RAP1GAP2: variants seen among roughly 807,000 people sequenced by gnomAD.
RAP1GAP2 encodes RAP1 GTPase activating protein 2.
In RAP1GAP2, 27 loss-of-function variants were observed where a neutral mutation model predicts 95.0. The observed-to-expected ratio is 0.28, with a 90% CI of 0.21 to 0.39. The LOEUF (loss-of-function observed/expected upper bound fraction) is 0.39, where lower values mean the gene tolerates loss of function less well. Among genes scored for constraint, RAP1GAP2 ranks in the 10% least tolerant of loss-of-function variants. The pLI, the probability that RAP1GAP2 is intolerant of heterozygous loss-of-function variation, is 1.00. For synonymous variants in RAP1GAP2, 373 were observed against 380.9 expected (o/e 0.98, Z 0.24); for missense variants, 771 against 970.0 (o/e 0.79, Z 2.72).
chr17:2,973,242 G>A (rs567750767), intron 8 of RAP1GAP2, among the ~76,000 whole-genome samples: 8 of 152,286 alleles, frequency 5.3e-5, no homozygotes, highest in South Asian at 2.1e-4. Context: ...GGCGCCGGGC[G>A]TGGTGGCTCA....
In RAP1GAP2 at chr17:3,000,482, TGGGGCTCGTG is replaced by T. The variant is rs1444507068; in HGVS notation, c.1200+2108_1200+2117del. On this transcript the variant is annotated intron_variant, in intron 14 of 24. Transcript: ENST00000254695. ...TGCAGGTCCAAGCACCAGGCTGAAG[TGGGGCTCGTG>T]GAGGTAACAGAATCAGCCTCAGGGC... is the stretch of plus-strand genomic sequence containing the variant. Among the ~76,000 whole-genome samples the T allele has an allele frequency of 7.1e-4, 40 of 55,948 alleles. 5 individuals carry two copies. The highest frequency in any genetic ancestry group is 2.0e-3 in the African/African-American group (24 of 11,716). 36.7% of individuals were successfully genotyped at this position (55,948 alleles called of 152,430 possible).
chr17:2,887,391 T>A (rs993494781), intron 2 of RAP1GAP2, among the ~76,000 whole-genome samples: 62 of 151,534 alleles, frequency 4.1e-4, no homozygotes, highest in African/African-American at 1.4e-3. Flanking sequence ...TTTTTTTTTT[T>A]AAGATGGAGT....
intron 2 of RAP1GAP2, among the ~76,000 whole-genome samples, chr17:2,846,490 A>C (rs895963630): frequency 7.2e-5 from 11 of 152,184 alleles, no homozygotes; most frequent in African/African-American, 2.6e-4. Flanking sequence ...GGCTCACTGC[A>C]ACCTCCGCCT....
intron 3 of RAP1GAP2, among the ~76,000 whole-genome samples, chr17:2,942,191 T>C (rs567504937): frequency 3.3e-5 from 5 of 152,282 alleles, no homozygotes; most frequent in African/African-American, 1.2e-4. Context: ...TCTCCAACCC[T>C]CCAGGCCTCC....
intron 3 of RAP1GAP2, among the ~76,000 whole-genome samples, chr17:2,930,020 T>G (rs892577915): frequency 1.3e-5 from 2 of 152,166 alleles, no homozygotes; most frequent in Non-Finnish European, 2.9e-5. Context: ...CCAAAGGACC[T>G]CTTAGTTTAG....
intron 17 of RAP1GAP2, among the ~76,000 whole-genome samples, chr17:3,014,242 G>A (rs2046678090): frequency 6.6e-6 from 1 of 152,148 alleles, no homozygotes; most frequent in Non-Finnish European, 1.5e-5. Flanking sequence ...GACACACGTC[G>A]GCTATAGAGC....
chr17:2,916,886 C>T (rs2042588936), intron 3 of RAP1GAP2, among the ~76,000 whole-genome samples: 1 of 152,206 alleles, frequency 6.6e-6, no homozygotes, highest in African/African-American at 2.4e-5. Flanking sequence ...GGGCCCGTGG[C>T]CTTCCAAGCT....
chr17:2,971,443 G>A (rs1218495851), intron 8 of RAP1GAP2, among the ~76,000 whole-genome samples: 2 of 151,962 alleles, frequency 1.3e-5, no homozygotes, highest in African/African-American at 4.8e-5. Flanking sequence ...TATTAAATAA[G>A]AAAAAGAACT....
Position 3,029,379 on chromosome 17 carries a change from C to T in RAP1GAP2, c.2108-1543C>T, listed in dbSNP as rs984936787. On this transcript the variant is annotated intron_variant, in intron 22 of 24. Transcript: ENST00000254695. This position sits in a 1 kb window ranked among gnomAD's most constrained non-coding sequence, Gnocchi z 4.4. ...CTTTTCTCCACACAGTATTTAACCC[C>T]GATGGGCTGCTTTTCACCCCCAGCC... Among the ~76,000 whole-genome samples the T allele has an allele frequency of 2.0e-5, 3 of 152,100 alleles. No individual in the cohort carries two copies. The highest frequency in any genetic ancestry group is 2.9e-5 in the Non-Finnish European group (2 of 68,032).
At position 2,963,223 on chromosome 17, in the gene RAP1GAP2, G is replaced by A. The variant is rs538378910; in HGVS notation, c.247-207G>A. 129 of 638,470 alleles carry A rather than the reference G, an allele frequency of 2.0e-4. No individual in the cohort carries two copies. The highest frequency in any genetic ancestry group is 1.9e-3 in the South Asian group (101 of 54,460). The allele number at this position is 638,470 out of a possible 1,614,324, so 39.6% of individuals were successfully genotyped here. ...ACCTTCGGACACTGCATCATCAGCTGGCAGGGTTTATGTTTGGGTTCTGTC... is the reference window on the plus strand; with the variant it reads ...ACCTTCGGACACTGCATCATCAGCTAGCAGGGTTTATGTTTGGGTTCTGTC... On this transcript the variant is annotated intron_variant, in intron 5 of 24. Coordinates refer to ENST00000254695, the MANE Select transcript of RAP1GAP2 (RefSeq NM_015085.5). The surrounding 1 kb of genome is among the most constrained non-coding windows in gnomAD (Gnocchi z 4.8).
intron 2 of RAP1GAP2, among the ~76,000 whole-genome samples, chr17:2,849,701 T>C (rs1370025580): frequency 1.3e-5 from 2 of 152,158 alleles, no homozygotes; most frequent in Admixed American, 6.6e-5. Context: ...CTGTGAGCTT[T>C]GGAGGCTGGA....
chr17:2,987,355 TTTTTTA>T (rs1203213581), intron 11 of RAP1GAP2, among the ~76,000 whole-genome samples: 9 of 152,224 alleles, frequency 5.9e-5, no homozygotes, highest in Non-Finnish European at 1.2e-4. Context: ...CATACATTTA[TTTTTTA>T]TTTTTATTTT....
chr17:2,987,558 A>G (rs2045598999), intron 11 of RAP1GAP2, among the ~76,000 whole-genome samples: 1 of 151,882 alleles, frequency 6.6e-6, no homozygotes, highest in African/African-American at 2.4e-5. Flanking sequence ...ACGGGGTTTC[A>G]CCGTGTTGGT....
chr17:2,804,369 T>G (rs1352294551), intron 2 of RAP1GAP2, among the ~76,000 whole-genome samples: 1 of 152,238 alleles, frequency 6.6e-6, no homozygotes, highest in Non-Finnish European at 1.5e-5. Context: ...CAATCCTCTC[T>G]GCATTTTACA....
At chr17:3,025,521 A>G (rs1166381015) in intron 19 of RAP1GAP2, among the ~76,000 whole-genome samples, 1 of 152,246 alleles carries the variant, frequency 6.6e-6, no homozygotes, top group Non-Finnish European at 1.5e-5. Flanking sequence ...CTCCCAGGGC[A>G]GCCTCCTCAT....
chr17:2,985,183 A>G, intron 11 of RAP1GAP2, 117 bp downstream of exon 11: 1 of 1,519,042 alleles, frequency 6.6e-7, no homozygotes, highest in Middle Eastern at 1.8e-4. Context: ...TTGGAATACA[A>G]CGGTCACATT....
chr17:2,771,479 C>CTTTT (rs775623366), intron 2 of RAP1GAP2, among the ~76,000 whole-genome samples: 2 of 131,788 alleles, frequency 1.5e-5, no homozygotes, highest in African/African-American at 3.0e-5. Context: ...ATCAAAGCCA[C>CTTTT]TTTTTTGTTT....
At chr17:3,015,674 A>G (rs923641759) in intron 17 of RAP1GAP2, among the ~76,000 whole-genome samples, 28 of 151,976 alleles carry the variant, frequency 1.8e-4, no homozygotes, top group African/African-American at 5.6e-4. Context: ...AAAATTAGCC[A>G]GGCATGGTTG....
chr17:2,999,178 C>T (rs900712898), intron 14 of RAP1GAP2, among the ~76,000 whole-genome samples: 12 of 152,176 alleles, frequency 7.9e-5, no homozygotes, highest in Non-Finnish European at 1.6e-4. Context: ...CCCCTGCAGT[C>T]CCCCGCTCCC....
Sources: gnomAD v4.1 joint callset for allele counts (sites outside exome capture counted in the v4.1 genomes callset) on GRCh38, gnomAD v4.1.1 for gene constraint, Gnocchi (gnomAD v3.1) non-coding constraint, MANE v1.5 for transcripts, NCBI Gene and HGNC (gene_info 2026-07-23, HGNC 2026-07-21) for gene names.